Variants in DOCK7 observed in about 807,000 individuals in gnomAD.
The protein encoded by DOCK7 is dedicator of cytokinesis protein 7.
Under a neutral mutation model 271.0 loss-of-function variants are expected in DOCK7, and 138 were observed. That is an observed-to-expected ratio of 0.51 (90% CI 0.44 to 0.59). The LOEUF (loss-of-function observed/expected upper bound fraction) is 0.59, where lower values mean the gene tolerates loss of function less well. Ranked by LOEUF, DOCK7 falls within the 20% of genes least tolerant of loss-of-function variation. The pLI is 0.00. For missense variants in DOCK7, 2,066 were observed against 2,592.4 expected (o/e 0.80, Z 4.41); for synonymous variants, 823 against 876.1 (o/e 0.94, Z 1.07).
Position 62,537,300 on chromosome 1 carries a change from C to T in DOCK7, c.3471+591G>A, listed in dbSNP as rs183264893. On this transcript the variant is annotated intron_variant, in intron 28 of 49. Coordinates refer to ENST00000635253, the MANE Select transcript of DOCK7 (RefSeq NM_001367561.1). ...AAAACAGTGGTTAAGAACTTGGGCT[C>T]GGCCGGGAGCGGTGGTTCATGCCTG... Among the ~76,000 whole-genome samples the T allele has an allele frequency of 2.9e-3, 438 of 152,122 alleles. 1 individual carries two copies. The highest frequency in any genetic ancestry group is 4.6e-3 in the Non-Finnish European group (311 of 67,980).
chr1:62,485,471 T>A lies in DOCK7; in HGVS notation c.5508+1927A>T, dbSNP rs181275688. The A allele has an allele frequency of 3.0e-6, 3 of 985,306 alleles. No homozygotes were observed. The Admixed American group carries it at 1.8e-4, about 61-fold the overall frequency. 61.0% of individuals were successfully genotyped at this position (985,306 alleles called of 1,614,324 possible). ...AGCCCAGATGGGGTTTTCCTGTAAG[T>A]TGGGGAGCAAGTTATCAATTCAAAG... On this transcript the variant is annotated intron_variant, in intron 43 of 49. Coordinates refer to ENST00000635253, the MANE Select transcript of DOCK7 (RefSeq NM_001367561.1).
intron 12 of DOCK7, among the ~76,000 whole-genome samples, chr1:62,621,132 AAG>A (rs1056434588): frequency 1.3e-5 from 2 of 151,848 alleles, no homozygotes; most frequent in Admixed American, 1.3e-4. Context: ...AGAAAGGAGG[AAG>A]AGAGAGGAAG....
rs1557914934 is a variant in DOCK7 at position 62,688,201 on chromosome 1, C to T, written c.38+26G>A. On this transcript the variant is annotated intron_variant, in intron 1 of 49. Coordinates refer to ENST00000635253, the MANE Select transcript of DOCK7 (RefSeq NM_001367561.1). ...GCGGCTCTTTCTCGGGCGGCGGCGG[C>T]GGCGCGCCCCACGCCGGATATTTAC... 1.6e-5 allele frequency: 22 copies of T among 1,368,314 alleles called. No homozygotes were observed. The Admixed American group carries it at 3.0e-4, about 19-fold the overall frequency. The allele number at this position is 1,368,314 out of a possible 1,614,324, so 84.8% of individuals were successfully genotyped here.
At chr1:62,496,194 C>A in intron 38 of DOCK7, 145 bp downstream of exon 38, 1 of 800,568 alleles carries the variant, frequency 1.2e-6, no homozygotes, top group African/African-American at 1.8e-5. Context: ...CAAAGAGATT[C>A]AGTCCTATCT....
chr1:62,589,101 A>C (rs1648038606), intron 14 of DOCK7, among the ~76,000 whole-genome samples: 1 of 152,116 alleles, frequency 6.6e-6, no homozygotes, highest in Non-Finnish European at 1.5e-5. Flanking sequence ...ATTTCTTTTT[A>C]ATTTTGCATC....
At chr1:62,533,776 C>A (rs1645251201) in intron 29 of DOCK7, among the ~76,000 whole-genome samples, 1 of 152,190 alleles carries the variant, frequency 6.6e-6, no homozygotes, top group Non-Finnish European at 1.5e-5. Context: ...CTGCTAAGAA[C>A]TTGACATACC....
intron 22 of DOCK7, among the ~76,000 whole-genome samples, chr1:62,547,172 T>C (rs1485272601): frequency 6.6e-6 from 1 of 152,168 alleles, no homozygotes; most frequent in Non-Finnish European, 1.5e-5. Context: ...ACAATACTGA[T>C]GTTCTGAACA....
chr1:62,592,816 T>A (rs1648659152), intron 14 of DOCK7, among the ~76,000 whole-genome samples: 4 of 152,182 alleles, frequency 2.6e-5, no homozygotes, highest in African/African-American at 9.6e-5. Context: ...CTGGCAGGGA[T>A]GTAAATTGGT....
At chr1:62,536,420 A>G (rs1645347726) in intron 28 of DOCK7, among the ~76,000 whole-genome samples, 1 of 152,160 alleles carries the variant, frequency 6.6e-6, no homozygotes, top group South Asian at 2.1e-4. Context: ...ATAAACAAAT[A>G]TGTTTCCTTA....
At position 62,601,230 on chromosome 1, in the gene DOCK7, T is replaced by C. The variant is rs779308748; in HGVS notation, c.1683-14606A>G. ...CTTTGGTGGGTTTCCTTCTTGAAGC[T>C]ATTATTATCAAATTCCCTATTCTTA... is the stretch of plus-strand genomic sequence containing the variant. On this transcript the variant is annotated intron_variant, in intron 14 of 49. Transcript: ENST00000635253. 2.2e-6 allele frequency: 3 copies of C among 1,378,120 alleles called. No homozygotes were observed. In the South Asian group the frequency reaches 3.5e-5, roughly 16 times the overall value. 85.4% of individuals were successfully genotyped at this position (1,378,120 alleles called of 1,614,324 possible).
rs1644451874 is a variant in DOCK7, at chr1:62,510,497, A to G, written c.4379+80T>C. 12 of 1,003,602 alleles carry G rather than the reference A, an allele frequency of 1.2e-5. No homozygotes were observed. The South Asian group carries it at 2.0e-4, about 17-fold the overall frequency. 62.2% of individuals were successfully genotyped at this position (1,003,602 alleles called of 1,614,324 possible). A position where few individuals can be genotyped will look rare whatever the true frequency, so the allele number is the denominator to read the frequency against. ...AAGTGTAAATACTAAATGTAAATATAAAGTAAAAGTTATCATTTTCCTCTT... is the reference window on the plus strand; with the variant it reads ...AAGTGTAAATACTAAATGTAAATATGAAGTAAAAGTTATCATTTTCCTCTT... On this transcript the variant is annotated intron_variant, in intron 34 of 49. Transcript: ENST00000635253.
intron 19 of DOCK7, among the ~76,000 whole-genome samples, chr1:62,561,006 A>G (rs939020456): frequency 6.6e-6 from 1 of 152,192 alleles, no homozygotes; most frequent in Admixed American, 6.5e-5. Flanking sequence ...ACATACACAC[A>G]AACAGAAAGA....
intron 43 of DOCK7, chr1:62,482,106 T>A (rs1646143928): frequency 6.6e-6 from 1 of 152,216 alleles, no homozygotes; most frequent in Non-Finnish European, 1.5e-5. Context: ...TATGATTAAA[T>A]CATATTAACA....
At chr1:62,482,716 G>A (rs1646163399) in intron 43 of DOCK7, 1 of 152,102 alleles carries the variant, frequency 6.6e-6, no homozygotes, top group African/African-American at 2.4e-5. Context: ...CTTCTCTGGT[G>A]TTTTCTTGAG....
chr1:62,543,622 T>G (rs772206590), intron 24 of DOCK7, 34 bp downstream of exon 24: 1 of 1,477,430 alleles, frequency 6.8e-7, no homozygotes, highest in Non-Finnish European at 9.4e-7. Context: ...GAAATTATTT[T>G]CCCCCTCTAT....
At chr1:62,473,408 A>T (rs1188501590) in intron 48 of DOCK7, among the ~76,000 whole-genome samples, 1 of 152,188 alleles carries the variant, frequency 6.6e-6, no homozygotes, top group Non-Finnish European at 1.5e-5. Context: ...ATCTAATAGT[A>T]GTTTCAAGTT....
rs1979722 is a variant in DOCK7 at position 62,474,426 on chromosome 1, G to A, written c.6106-338C>T. ...TAAAAGTTGTCAAGCTACTACATCT[G>A]CCAATCCGCTGATTATCAGAGTTGA... is the stretch of plus-strand genomic sequence containing the variant. On this transcript the variant is annotated intron_variant, in intron 47 of 49. Coordinates refer to ENST00000635253, the MANE Select transcript of DOCK7 (RefSeq NM_001367561.1). Among the ~76,000 whole-genome samples the A allele has an allele frequency of 0.33, 49,691 of 152,032 alleles. 8,250 individuals are homozygous for A. The highest frequency in any genetic ancestry group is 0.42 in the South Asian group (2,011 of 4,820).
chr1:62,519,284 T>G (rs1179637479), intron 31 of DOCK7, among the ~76,000 whole-genome samples: 1 of 152,270 alleles, frequency 6.6e-6, no homozygotes, highest in East Asian at 1.9e-4. Context: ...GGACATAGAA[T>G]GCTGTAACTA....
intron 4 of DOCK7, among the ~76,000 whole-genome samples, chr1:62,650,918 T>C (rs1007708710): frequency 4.9e-4 from 74 of 150,552 alleles, no homozygotes; most frequent in African/African-American, 1.7e-3. Flanking sequence ...CTAGAAATAC[T>C]ATTTGACCCA....
Sources: allele counts gnomAD v4.1 joint callset (sites outside exome capture counted in the v4.1 genomes callset), GRCh38; gene constraint gnomAD v4.1.1; transcripts MANE v1.5; gene names NCBI Gene and HGNC (gene_info 2026-07-23, HGNC 2026-07-21).